MAN1A1: variants seen among roughly 807,000 people sequenced by gnomAD.
The protein encoded by MAN1A1 is mannosyl-oligosaccharide 1,2-alpha-mannosidase IA.
A neutral mutation model predicts 70.8 loss-of-function variants in MAN1A1; 29 were observed. That is an observed-to-expected ratio of 0.41 (90% CI 0.31 to 0.56). The LOEUF is 0.56. Among genes scored for constraint, MAN1A1 ranks in the 20% least tolerant of loss-of-function variants. The pLI, the probability that MAN1A1 is intolerant of heterozygous loss-of-function variation, is 0.29. For synonymous variants in MAN1A1, 349 were observed against 330.1 expected (o/e 1.06, Z -0.62); for missense variants, 747 against 841.3 (o/e 0.89, Z 1.39).
intron 2 of MAN1A1, among the ~76,000 whole-genome samples, chr6:119,346,693 G>C (rs1228219625): frequency 6.6e-6 from 1 of 152,180 alleles, no homozygotes; most frequent in African/African-American, 2.4e-5. Context: ...GAATGCACTT[G>C]TAATCACTCT....
At chr6:119,211,291 G>C (rs1040568162) in intron 6 of MAN1A1, among the ~76,000 whole-genome samples, 9 of 152,166 alleles carry the variant, frequency 5.9e-5, no homozygotes, top group African/African-American at 2.2e-4. Flanking sequence ...AATCAGTACA[G>C]ACTTCAGGCT....
chr6:119,232,387 A>AG (rs1355081898), intron 6 of MAN1A1, among the ~76,000 whole-genome samples: 4 of 151,000 alleles, frequency 2.6e-5, no homozygotes, highest in Admixed American at 6.6e-5. Context: ...AAAAAAAAAA[A>AG]AAAAAGAAAA....
At chr6:119,323,188 T>C (rs1582803440) in intron 2 of MAN1A1, among the ~76,000 whole-genome samples, 1 of 152,190 alleles carries the variant, frequency 6.6e-6, no homozygotes, top group East Asian at 1.9e-4. Flanking sequence ...AATTTAAAAA[T>C]ATGGCAGACA....
chr6:119,267,076 C>T (rs1775778063), intron 5 of MAN1A1, among the ~76,000 whole-genome samples: 1 of 152,200 alleles, frequency 6.6e-6, no homozygotes, highest in African/African-American at 2.4e-5. Context: ...AAATCCAGAA[C>T]ACTAACACCA....
chr6:119,239,755 C>G (rs945070466), intron 6 of MAN1A1, among the ~76,000 whole-genome samples: 1 of 152,184 alleles, frequency 6.6e-6, no homozygotes, highest in Non-Finnish European at 1.5e-5. Flanking sequence ...AAATTGATTG[C>G]TGGGTCATTA....
chr6:119,289,738 G>C (rs1184890786), intron 5 of MAN1A1, among the ~76,000 whole-genome samples: 3 of 151,940 alleles, frequency 2.0e-5, no homozygotes, highest in African/African-American at 7.2e-5. Flanking sequence ...GTATGTTTTG[G>C]TTAAGAAAGT....
intron 1 of MAN1A1, 124 bp from the exon 2 acceptor site, chr6:119,349,411 C>G: frequency 1.1e-6 from 1 of 917,404 alleles, no homozygotes; most frequent in Non-Finnish European, 1.3e-6. Flanking sequence ...CCTGTCCAGT[C>G]CGGGCACCGC....
At chr6:119,344,847 A>T (rs963848721) in intron 2 of MAN1A1, among the ~76,000 whole-genome samples, 1 of 152,322 alleles carries the variant, frequency 6.6e-6, no homozygotes, top group East Asian at 1.9e-4. Context: ...ATGTTCTTTA[A>T]ATTCATGATT....
intron 7 of MAN1A1, among the ~76,000 whole-genome samples, chr6:119,203,243 C>T (rs1773765322): frequency 6.6e-6 from 1 of 152,102 alleles, no homozygotes; most frequent in Non-Finnish European, 1.5e-5. Context: ...GAGAGGCTAT[C>T]CCATGTTAGT....
intron 2 of MAN1A1, among the ~76,000 whole-genome samples, chr6:119,309,275 G>C (rs765139128): frequency 4.6e-5 from 7 of 152,130 alleles, no homozygotes; most frequent in African/African-American, 9.7e-5. Flanking sequence ...CACATGCATA[G>C]AATAACTATA....
chr6:119,310,752 A>C (rs557560228), intron 2 of MAN1A1, among the ~76,000 whole-genome samples: 1 of 152,304 alleles, frequency 6.6e-6, no homozygotes, highest in Admixed American at 6.5e-5. Context: ...CAAGGAGAAA[A>C]AAGTTAAGAG....
chr6:119,204,927 C>T (rs759629441), intron 6 of MAN1A1, 45 bp from the exon 7 acceptor site: 58 of 1,594,830 alleles, frequency 3.6e-5, no homozygotes, highest in East Asian at 4.5e-5. Context: ...AGATTAACTC[C>T]GTTTTTCACT....
chr6:119,200,682 A>C (rs1352170603), intron 8 of MAN1A1, among the ~76,000 whole-genome samples: 1 of 152,174 alleles, frequency 6.6e-6, no homozygotes, highest in Non-Finnish European at 1.5e-5. Flanking sequence ...AAGAGTCTTA[A>C]GTGCAGGCTT....
At chr6:119,195,505 C>T (rs1773544751) in intron 8 of MAN1A1, among the ~76,000 whole-genome samples, 1 of 152,190 alleles carries the variant, frequency 6.6e-6, no homozygotes, top group Admixed American at 6.6e-5. Flanking sequence ...TCTGACAATG[C>T]CACTAGGTTC....
chr6:119,228,523 C>T (rs1393253073), intron 6 of MAN1A1, among the ~76,000 whole-genome samples: 2 of 151,992 alleles, frequency 1.3e-5, no homozygotes, highest in African/African-American at 4.8e-5. Context: ...ACAAAAGACC[C>T]TTGTAATTCA....
At chr6:119,245,676 T>C (rs1775150523) in intron 6 of MAN1A1, among the ~76,000 whole-genome samples, 1 of 152,146 alleles carries the variant, frequency 6.6e-6, no homozygotes, top group African/African-American at 2.4e-5. Flanking sequence ...GTAAATGGGA[T>C]TGAGAGTGGA....
chr6:119,339,084 A>G (rs1406030754), intron 2 of MAN1A1, among the ~76,000 whole-genome samples: 1 of 152,218 alleles, frequency 6.6e-6, no homozygotes, highest in Non-Finnish European at 1.5e-5. Flanking sequence ...TCAACACAGG[A>G]GAAAGTGTTG....
rs139359369 is a variant in MAN1A1, at chr6:119,230,581, T to C, written c.992+17679A>G. 4.9e-3 allele frequency among the ~76,000 whole-genome samples: 743 copies of C among 152,316 alleles called. 4 individuals are homozygous for C. The highest frequency in any genetic ancestry group is 0.017 in the African/African-American group (702 of 41,576). On this transcript the variant is annotated intron_variant, in intron 6 of 12. Coordinates refer to ENST00000368468, the MANE Select transcript of MAN1A1 (RefSeq NM_005907.4). ...CATCCCCTTGATCCCAGCTCAAAAA[T>C]GACTTCTTCACATCCTGCAATTCGA...
At chr6:119,246,912 T>C (rs1336884827) in intron 6 of MAN1A1, among the ~76,000 whole-genome samples, 1 of 152,114 alleles carries the variant, frequency 6.6e-6, no homozygotes, top group Non-Finnish European at 1.5e-5. Context: ...GAACAGATCC[T>C]GAGGCATCAC....
Sources: gnomAD v4.1 joint callset for allele counts (sites outside exome capture counted in the v4.1 genomes callset) on GRCh38, gnomAD v4.1.1 for gene constraint, MANE v1.5 for transcripts, NCBI Gene and HGNC (gene_info 2026-07-23, HGNC 2026-07-21) for gene names.